The following UPF2 variants were observed in gnomAD, a reference collection of about 807,000 sequenced individuals.
UPF2 encodes the protein UPF2 regulator of nonsense mediated mRNA decay.
In UPF2, 17 loss-of-function variants were observed where a neutral mutation model predicts 141.4. The observed-to-expected ratio is 0.12, with a 90% confidence interval of 0.08 to 0.18. UPF2 has a LOEUF of 0.18. UPF2 is among the 10% of genes least tolerant of loss of function. The probability of loss-of-function intolerance (pLI) is 1.00; values close to 1 mark genes in which losing one functional copy is unlikely to be tolerated. For synonymous variants in UPF2, 540 were observed against 498.0 expected (o/e 1.08, Z -1.12); for missense variants, 1,152 against 1,515.9 (o/e 0.76, Z 3.99).
At position 11,921,370 on chromosome 10, in the gene UPF2, G is replaced by A; in HGVS notation, c.3810-63C>T. On this transcript the variant is annotated intron_variant, in intron 21 of 21. Transcript: ENST00000357604. The surrounding 1 kb of genome is among the most constrained non-coding windows in gnomAD (Gnocchi z 5.9). Reference sequence around the variant, plus strand: ...GCCACAGGACAAAGTCCAGCAAGATGGCGTCTGCAACGCTACCCACCACCA... The same window carrying A: ...GCCACAGGACAAAGTCCAGCAAGATAGCGTCTGCAACGCTACCCACCACCA... 6.2e-7 allele frequency: 1 copy of A among 1,608,252 alleles called. No homozygotes were observed. The highest frequency in any genetic ancestry group is 8.5e-7 in the Non-Finnish European group (1 of 1,175,436).
chr10:12,008,708 G>C (rs7476685), intron 4 of UPF2, among the ~76,000 whole-genome samples: 32,043 of 148,184 alleles, frequency 0.22, 3,750 homozygotes, highest in East Asian at 0.47. Flanking sequence ...TAAGTTCCAA[G>C]ATACATGTGC....
chr10:12,037,808 T>A (rs1299340317), intron 1 of UPF2, among the ~76,000 whole-genome samples: 1 of 152,210 alleles, frequency 6.6e-6, no homozygotes, highest in African/African-American at 2.4e-5. Context: ...ATATTGATAT[T>A]TTTTAAATAC....
In UPF2 at chr10:11,921,201, T is replaced by C. The variant is rs1383829958; in HGVS notation, c.*97A>G. On this transcript the variant is annotated 3_prime_UTR_variant, in exon 22 of 22. Coordinates refer to ENST00000357604, the MANE Select transcript of UPF2 (RefSeq NM_015542.4). This position sits in a 1 kb window ranked among gnomAD's most constrained non-coding sequence, Gnocchi z 5.9. ...AGATTCGCAACTCTCTAGACCGACC[T>C]GCTGAGATGTGTCCACTGCTCTCAT... 5.2e-6 allele frequency: 8 copies of C among 1,543,938 alleles called. No homozygotes were observed. The highest frequency in any genetic ancestry group is 6.3e-6 in the Non-Finnish European group (7 of 1,116,230).
At chr10:11,969,655 G>A (rs889801737) in intron 9 of UPF2, among the ~76,000 whole-genome samples, 8 of 152,092 alleles carry the variant, frequency 5.3e-5, no homozygotes, top group African/African-American at 2.4e-5. Context: ...ACAAATAAAT[G>A]TTTCATATAC....
intron 1 of UPF2, among the ~76,000 whole-genome samples, chr10:12,038,869 C>T (rs569210723): frequency 1.6e-4 from 24 of 152,204 alleles, no homozygotes; most frequent in African/African-American, 3.1e-4. Context: ...CAGTACGTTG[C>T]CCTGGCTGGT....
chr10:12,039,489 A>G (rs1253712380), intron 1 of UPF2, among the ~76,000 whole-genome samples: 2 of 152,222 alleles, frequency 1.3e-5, no homozygotes, highest in East Asian at 3.8e-4. Context: ...ATTGAAGGAT[A>G]TTAATCATTA....
intron 15 of UPF2, among the ~76,000 whole-genome samples, chr10:11,949,653 T>C (rs1488391520): frequency 2.0e-5 from 3 of 152,226 alleles, no homozygotes; most frequent in Admixed American, 6.5e-5. Context: ...AAATACCTGT[T>C]CATGCATAGA....
At chr10:11,965,754 C>T (rs550314474) in intron 10 of UPF2, among the ~76,000 whole-genome samples, 3 of 152,130 alleles carry the variant, frequency 2.0e-5, no homozygotes, top group African/African-American at 4.8e-5. Context: ...CCACCACGTC[C>T]GGCCTCTATT....
chr10:11,926,937 C>G (rs187367031), intron 21 of UPF2, among the ~76,000 whole-genome samples: 1 of 152,282 alleles, frequency 6.6e-6, no homozygotes, highest in African/African-American at 2.4e-5. Flanking sequence ...TTCACACGCA[C>G]GTCGATGACA....
chr10:11,993,536 ACC>A (rs138087295), intron 8 of UPF2, among the ~76,000 whole-genome samples: 22 of 152,046 alleles, frequency 1.4e-4, no homozygotes, highest in Middle Eastern at 3.4e-3. Context: ...CAAAAAAAAA[ACC>A]AGACAGTATT....
Position 11,938,853 on chromosome 10 carries a change from G to GTTTTTTTTT in UPF2, c.3379-2150_3379-2142dup, listed in dbSNP as rs58106776. ...GTGGTCTTAAGCAAGTTTTTTTTTT[G>GTTTTTTTTT]TTTTTTTTTTTTTTTTTTTTTTTTT... On this transcript the variant is annotated intron_variant, in intron 18 of 21. Coordinates refer to ENST00000357604, the MANE Select transcript of UPF2 (RefSeq NM_015542.4). 8.6e-3 allele frequency among the ~76,000 whole-genome samples: 685 copies of GTTTTTTTTT among 79,800 alleles called. 148 individuals are homozygous for GTTTTTTTTT. Among genetic ancestry groups the GTTTTTTTTT allele is most frequent in the Admixed American group, 9.6e-3 (56 of 5,830 alleles). 52.4% of individuals were successfully genotyped at this position (79,800 alleles called of 152,430 possible).
chr10:11,986,073 A>C (rs1833686753), intron 8 of UPF2, among the ~76,000 whole-genome samples: 1 of 151,046 alleles, frequency 6.6e-6, no homozygotes, highest in Admixed American at 6.6e-5. Flanking sequence ...TATAGTAGAG[A>C]CGGGGTTTCA....
Position 11,956,290 on chromosome 10 carries a change from T to C in UPF2, c.2574+30A>G, listed in dbSNP as rs1833148899. The C allele has an allele frequency of 1.9e-6, 3 of 1,595,222 alleles. No homozygotes were observed. Among genetic ancestry groups the C allele is most frequent in the Non-Finnish European group, 2.6e-6 (3 of 1,162,912 alleles). On this transcript the variant is annotated intron_variant, in intron 13 of 21. Transcript: ENST00000357604. This position sits in a 1 kb window ranked among gnomAD's most constrained non-coding sequence, Gnocchi z 4.2. ...ATAATAAATTCTCCACGAATTCCAG[T>C]TGTGTGACATTAAAGGAAGTCTTGT...
At chr10:11,937,130 G>A (rs11257436) in intron 18 of UPF2, among the ~76,000 whole-genome samples, 20,067 of 152,282 alleles carry the variant, frequency 0.13, 1,420 homozygotes, top group South Asian at 0.26. Context: ...CCAGCAGGGC[G>A]TTACCCACAG....
At chr10:12,029,591 A>G in intron 2 of UPF2, 67 bp from the exon 3 acceptor site, 1 of 1,462,158 alleles carries the variant, frequency 6.8e-7, no homozygotes, top group South Asian at 1.4e-5. Context: ...CAAATCCCCT[A>G]AGAGTAAAAA....
chr10:11,927,178 C>T (rs1832723989), intron 21 of UPF2, among the ~76,000 whole-genome samples: 1 of 152,160 alleles, frequency 6.6e-6, no homozygotes, highest in South Asian at 2.1e-4. Flanking sequence ...CGGAGGGAGG[C>T]AAATCCTACT....
rs1298319870 is a variant in UPF2 at position 11,931,730 on chromosome 10, T to C, written c.3599A>G (p.Asn1200Ser). Reference protein sequence around the residue: ...MSSQLAANHWNQQQAEQEERM... With the variant: ...MSSQLAANHWSQQQAEQEERM... ...CTCTTCTTGTTCTGCCTGTTGCTGG[T>C]TCCAGTGATTTGCAGCAAGTTGAGA... is the stretch of plus-strand genomic sequence containing the variant. Residue 1200 changes from asparagine to serine, a missense_variant, in exon 20 of 22, where the codon AAC becomes AGC. By Grantham distance (46) the Asn-to-Ser change is conservative. Transcript: ENST00000357604. The surrounding 1 kb of genome is among the most constrained non-coding windows in gnomAD (Gnocchi z 5.9). 1 of 1,613,774 alleles carries C rather than the reference T, an allele frequency of 6.2e-7. No individual in the cohort carries two copies. Among genetic ancestry groups the C allele is most frequent in the South Asian group, 1.1e-5 (1 of 90,970 alleles).
At chr10:12,021,462 C>T (rs530719717) in intron 3 of UPF2, among the ~76,000 whole-genome samples, 1 of 152,058 alleles carries the variant, frequency 6.6e-6, no homozygotes, top group South Asian at 2.1e-4. Context: ...AGCGAGGCTG[C>T]AGTGAGCTAT....
At position 11,956,700 on chromosome 10, in the gene UPF2, G is replaced by A. The variant is rs114428569; in HGVS notation, c.2371-177C>T. 8.9e-3 allele frequency among the ~76,000 whole-genome samples: 1,353 copies of A among 152,240 alleles called. 26 individuals are homozygous for A. Among genetic ancestry groups the A allele is most frequent in the African/African-American group, 0.031 (1,278 of 41,548 alleles). ...TGAGACTTTCTAATTACAATAAAAT[G>A]TATTATCATCTTTCCTAAATCCTTC... is the stretch of plus-strand genomic sequence containing the variant. On this transcript the variant is annotated intron_variant, in intron 12 of 21. Coordinates refer to ENST00000357604, the MANE Select transcript of UPF2 (RefSeq NM_015542.4). The surrounding 1 kb of genome is among the most constrained non-coding windows in gnomAD (Gnocchi z 4.2).
Sources: gnomAD v4.1 joint callset for allele counts (sites outside exome capture counted in the v4.1 genomes callset) on GRCh38, gnomAD v4.1.1 for gene constraint, Gnocchi (gnomAD v3.1) non-coding constraint, MANE v1.5 for transcripts, NCBI Gene and HGNC (gene_info 2026-07-23, HGNC 2026-07-21) for gene names.